The following SLC25A23 variants were observed in gnomAD, a reference collection of about 807,000 sequenced individuals.
The protein encoded by SLC25A23 is solute carrier family 25 member 23.
SLC25A23 carries 32 observed loss-of-function variants against 53.9 expected under a neutral mutation model. The ratio of observed to expected loss-of-function variants is 0.59; its 90% CI spans 0.45 to 0.80. SLC25A23 has a LOEUF of 0.80. Ranked by LOEUF, SLC25A23 falls within the 30% of genes least tolerant of loss-of-function variation. SLC25A23 has a pLI of 0.00. For synonymous variants in SLC25A23, 275 were observed against 264.5 expected (o/e 1.04, Z -0.38); for missense variants, 575 against 651.4 (o/e 0.88, Z 1.28).
At position 6,441,807 on chromosome 19, in the gene SLC25A23, T is replaced by C. The variant is rs970261898; in HGVS notation, c.*168A>G. The C allele has an allele frequency of 7.5e-5, 44 of 590,562 alleles. No individual in the cohort carries two copies. In the East Asian group the frequency reaches 1.2e-3, roughly 15 times the overall value. 36.6% of individuals were successfully genotyped at this position (590,562 alleles called of 1,614,324 possible). On this transcript the variant is annotated 3_prime_UTR_variant, in exon 10 of 10. Transcript: ENST00000301454. ...GCATAGGAGTCTAGGATCCAGGATC[T>C]GGATGCTGGGATCCCATGACCCAAT...
downstream of SLC25A23, among the ~76,000 whole-genome samples, chr19:6,439,690 C>T (rs2092390943): frequency 1.3e-5 from 2 of 151,350 alleles, no homozygotes; most frequent in African/African-American, 2.4e-5. Context: ...ATTAGCCGGG[C>T]GTGGTGGTGG....
At chr19:6,448,481 T>G (rs1173918230) in intron 8 of SLC25A23, among the ~76,000 whole-genome samples, 1 of 151,848 alleles carries the variant, frequency 6.6e-6, no homozygotes, top group Non-Finnish European at 1.5e-5. Flanking sequence ...GCATTTTTTT[T>G]TTTTTTTGAG....
At chr19:6,457,440 A>C (rs1568379152) in intron 3 of SLC25A23, 63 bp downstream of exon 3, 4 of 1,437,940 alleles carry the variant, frequency 2.8e-6, no homozygotes, top group Non-Finnish European at 3.9e-6. Flanking sequence ...CCCAGAAGAC[A>C]GAGATGGCCA....
chr19:6,436,574 A>G, downstream of SLC25A23: 1 of 410,928 alleles, frequency 2.4e-6, no homozygotes, highest in Non-Finnish European at 4.9e-6. Context: ...TTTGAGACAT[A>G]GTTTTGCTCT....
intron 9 of SLC25A23, chr19:6,443,799 C>T (rs1375369466): frequency 8.3e-6 from 5 of 601,006 alleles, no homozygotes; most frequent in Non-Finnish European, 1.5e-5. Flanking sequence ...ACAATAACCA[C>T]TCTGGCCCTG....
intron 8 of SLC25A23, among the ~76,000 whole-genome samples, chr19:6,451,969 T>C (rs1445493160): frequency 6.6e-6 from 1 of 151,922 alleles, no homozygotes; most frequent in Admixed American, 6.6e-5. Flanking sequence ...GCAATTCTCA[T>C]GCCTCGGCCT....
intron 1 of SLC25A23, among the ~76,000 whole-genome samples, chr19:6,458,725 C>G (rs1276676962): frequency 1.3e-5 from 2 of 152,156 alleles, no homozygotes; most frequent in African/African-American, 2.4e-5. Context: ...AAACCCTGTC[C>G]ACATGGGGGA....
chr19:6,444,340 G>A, intron 8 of SLC25A23, 39 bp from the exon 9 acceptor site: 1 of 1,549,254 alleles, frequency 6.5e-7, no homozygotes, highest in Non-Finnish European at 8.8e-7. Flanking sequence ...TGGGGTGGGT[G>A]ACCCTAGGAC....
At chr19:6,449,013 G>A (rs1251659730) in intron 8 of SLC25A23, among the ~76,000 whole-genome samples, 1 of 150,842 alleles carries the variant, frequency 6.6e-6, no homozygotes, top group Non-Finnish European at 1.5e-5. Flanking sequence ...GACAGAGTGA[G>A]ACTCTGTCTC....
chr19:6,438,723 C>A (rs779199275), downstream of SLC25A23: 13 of 274,064 alleles, frequency 4.7e-5, no homozygotes, highest in South Asian at 3.9e-4. Flanking sequence ...GTGGTGCGCA[C>A]CTGTAATACC....
intron 4 of SLC25A23, 30 bp downstream of exon 4, chr19:6,456,390 T>G: frequency 6.2e-7 from 1 of 1,601,482 alleles, no homozygotes; most frequent in South Asian, 1.1e-5. Context: ...GGGCACAGCC[T>G]TCAGCTGGGG....
intron 9 of SLC25A23, among the ~76,000 whole-genome samples, 184 bp from the exon 10 acceptor site, chr19:6,442,343 G>A (rs372007183): frequency 5.0e-4 from 76 of 152,198 alleles, no homozygotes; most frequent in African/African-American, 1.6e-3. Flanking sequence ...TCACCTTTTC[G>A]CCCCAAGTTT....
At chr19:6,443,792 A>G in intron 9 of SLC25A23, 1 of 599,530 alleles carries the variant, frequency 1.7e-6, no homozygotes, top group Non-Finnish European at 3.0e-6. Flanking sequence ...GACAAAAACA[A>G]TAACCACTCT....
downstream of SLC25A23, chr19:6,438,823 T>C (rs1026771402): frequency 2.9e-5 from 7 of 239,220 alleles, no homozygotes; most frequent in Non-Finnish European, 5.5e-5. Flanking sequence ...TACTCCAGCC[T>C]GGGAAACAAG....
chr19:6,440,740 GC>G lies in SLC25A23; in HGVS notation c.*1234del, dbSNP rs2092409189. Reference sequence around the variant, plus strand: ...CGTGCAGGTTGCAGCCAGGACCTGGGCTTCCTTCCCCACAGACTCCCTCGAC... The same window carrying G: ...CGTGCAGGTTGCAGCCAGGACCTGGGTTCCTTCCCCACAGACTCCCTCGAC... On this transcript the variant is annotated 3_prime_UTR_variant, in exon 10 of 10. Coordinates refer to ENST00000301454, the MANE Select transcript of SLC25A23 (RefSeq NM_024103.3). The G allele has an allele frequency of 6.6e-6, 1 of 152,084 alleles. No homozygotes were observed. The highest frequency in any genetic ancestry group is 2.1e-4 in the South Asian group (1 of 4,828). The allele number at this position is 152,084 out of a possible 1,614,324, so 9.4% of individuals were successfully genotyped here. A position where few individuals can be genotyped will look rare whatever the true frequency, so the allele number is the denominator to read the frequency against.
chr19:6,442,298 G>C (rs2092434295), intron 9 of SLC25A23, 139 bp from the exon 10 acceptor site: 4 of 617,466 alleles, frequency 6.5e-6, no homozygotes, highest in Non-Finnish European at 1.1e-5. Flanking sequence ...CTACCACTCA[G>C]AGTCGAGACT....
chr19:6,444,268 G>T lies in SLC25A23; in HGVS notation c.1105C>A (p.His369Asn). ...LKNWWLQQYS[H>N]DSADPGILVL... ...AGGATGCCTGGGTCTGCCGAGTCGT[G>T]GCTGTACTGCTGAAGCCACCAGTTC... Residue 369 changes from histidine to asparagine, a missense_variant, in exon 9 of 10, where the codon CAC becomes AAC. Physicochemically the swap from His to Asn is moderately conservative, Grantham distance 68 (BLOSUM62 1). Transcript: ENST00000301454. The T allele has an allele frequency of 6.2e-7, 1 of 1,608,422 alleles. No homozygotes were observed.
intron 2 of SLC25A23, 146 bp from the exon 3 acceptor site, chr19:6,457,736 T>G: frequency 3.0e-6 from 2 of 662,290 alleles, no homozygotes; most frequent in Non-Finnish European, 5.2e-6. Flanking sequence ...GCAGTAGGGC[T>G]GTGGGGGGAC....
intron 9 of SLC25A23, chr19:6,443,462 A>C (rs1002895550): frequency 4.0e-6 from 2 of 494,876 alleles, no homozygotes; most frequent in Non-Finnish European, 7.0e-6. Flanking sequence ...TCCTGGACTC[A>C]AATGATCCTT....
Sources: allele counts gnomAD v4.1 joint callset (sites outside exome capture counted in the v4.1 genomes callset), GRCh38; gene constraint gnomAD v4.1.1; transcripts MANE v1.5; gene names NCBI Gene and HGNC (gene_info 2026-07-23, HGNC 2026-07-21).